CHCHD6: variants seen among roughly 807,000 people sequenced by gnomAD.
CHCHD6 encodes the protein coiled-coil-helix-coiled-coil-helix domain containing 6.
Under a neutral mutation model 32.3 loss-of-function variants are expected in CHCHD6, and 28 were observed. The ratio of observed to expected loss-of-function variants is 0.87; its 90% CI spans 0.64 to 1.19. CHCHD6 has a LOEUF of 1.19. CHCHD6 is among the 50% of genes most tolerant of loss of function. CHCHD6 has a pLI of 0.00. For synonymous variants in CHCHD6, 122 were observed against 117.5 expected (o/e 1.04, Z -0.25); for missense variants, 333 against 307.0 (o/e 1.08, Z -0.63).
At chr3:126,732,482 A>G (rs1167291756) in intron 3 of CHCHD6, among the ~76,000 whole-genome samples, 1 of 152,320 alleles carries the variant, frequency 6.6e-6, no homozygotes, top group South Asian at 2.1e-4. Flanking sequence ...TTTTCTAGTG[A>G]TGATGTCATA....
intron 6 of CHCHD6, among the ~76,000 whole-genome samples, chr3:126,954,743 T>C (rs2078760254): frequency 6.6e-6 from 1 of 152,142 alleles, no homozygotes. Context: ...GCAGAGGCTA[T>C]GATGGAAGTC....
intron 4 of CHCHD6, among the ~76,000 whole-genome samples, chr3:126,746,184 A>G (rs895260373): frequency 2.0e-5 from 3 of 152,132 alleles, no homozygotes; most frequent in Middle Eastern, 3.2e-3. Flanking sequence ...TGGGAGTGAC[A>G]GTCTCTGTGG....
intron 6 of CHCHD6, among the ~76,000 whole-genome samples, chr3:126,932,660 T>A (rs2078422771): frequency 6.6e-6 from 1 of 152,048 alleles, no homozygotes; most frequent in African/African-American, 2.4e-5. Context: ...GCTGTCCTTG[T>A]GGCTTAAGGG....
At chr3:126,730,486 C>A in intron 2 of CHCHD6, 75 bp from the exon 3 acceptor site, 1 of 1,244,720 alleles carries the variant, frequency 8.0e-7, no homozygotes, top group South Asian at 1.3e-5. Context: ...GGGGTCATTC[C>A]TCTCTGGGTG....
chr3:126,905,128 C>T (rs191776581), intron 5 of CHCHD6, among the ~76,000 whole-genome samples: 1 of 152,162 alleles, frequency 6.6e-6, no homozygotes, highest in African/African-American at 2.4e-5. Context: ...ATTCATACTT[C>T]AAGCAGGCAT....
intron 4 of CHCHD6, among the ~76,000 whole-genome samples, chr3:126,810,960 A>G (rs1939629855): frequency 1.3e-5 from 2 of 152,154 alleles, no homozygotes; most frequent in Admixed American, 1.3e-4. Context: ...CGGGACCACC[A>G]GGTTAGAGAC....
chr3:126,794,238 GT>G (rs981666646), intron 4 of CHCHD6, among the ~76,000 whole-genome samples: 4 of 150,454 alleles, frequency 2.7e-5, no homozygotes, highest in Admixed American at 1.3e-4. Flanking sequence ...TGCATTTTGT[GT>G]TTTCCCCCCA....
intron 2 of CHCHD6, among the ~76,000 whole-genome samples, chr3:126,729,536 A>C (rs932504259): frequency 6.6e-6 from 1 of 152,214 alleles, no homozygotes; most frequent in African/African-American, 2.4e-5. Context: ...CTTCAGACAA[A>C]TAAATAAGCA....
intron 4 of CHCHD6, among the ~76,000 whole-genome samples, chr3:126,842,113 G>T (rs1941110808): frequency 6.6e-6 from 1 of 152,156 alleles, no homozygotes; most frequent in African/African-American, 2.4e-5. Flanking sequence ...AATTAGCCAG[G>T]CATGGCAGCA....
At chr3:126,865,085 T>TTCC (rs141768917) in intron 5 of CHCHD6, among the ~76,000 whole-genome samples, 14 of 61,914 alleles carry the variant, frequency 2.3e-4, no homozygotes, top group African/African-American at 1.1e-3. Flanking sequence ...CCTCCACTTC[T>TTCC]TCCTCCTCCT....
intron 4 of CHCHD6, among the ~76,000 whole-genome samples, chr3:126,851,008 G>T (rs928020496): frequency 6.6e-6 from 1 of 152,162 alleles, no homozygotes; most frequent in Non-Finnish European, 1.5e-5. Flanking sequence ...TGGGGATCCA[G>T]GTTACTACTT....
intron 5 of CHCHD6, among the ~76,000 whole-genome samples, chr3:126,864,781 A>G (rs1942187995): frequency 8.2e-6 from 1 of 122,114 alleles, no homozygotes; most frequent in Non-Finnish European, 1.7e-5. Flanking sequence ...CTCCTCCTCC[A>G]CCATCACCTC....
intron 4 of CHCHD6, among the ~76,000 whole-genome samples, chr3:126,829,549 G>A (rs995182442): frequency 1.3e-5 from 2 of 151,994 alleles, no homozygotes; most frequent in Non-Finnish European, 2.9e-5. Context: ...AAATTCGTAT[G>A]TTGAAGCCCT....
chr3:126,788,101 G>T (rs1334610262), intron 4 of CHCHD6, among the ~76,000 whole-genome samples: 1 of 152,110 alleles, frequency 6.6e-6, no homozygotes, highest in Admixed American at 6.6e-5. Flanking sequence ...TTTTGTCTTT[G>T]GTTCTGTTTA....
intron 3 of CHCHD6, among the ~76,000 whole-genome samples, chr3:126,731,777 C>G (rs1239327653): frequency 1.3e-5 from 2 of 152,048 alleles, no homozygotes; most frequent in African/African-American, 4.8e-5. Context: ...TCGGTCTTAG[C>G]AAGAATAACT....
chr3:126,944,343 C>G (rs759896699), intron 6 of CHCHD6, among the ~76,000 whole-genome samples: 1 of 152,258 alleles, frequency 6.6e-6, no homozygotes, highest in Non-Finnish European at 1.5e-5. Context: ...CCCCTAGAAG[C>G]TGGAAGAAGG....
intron 4 of CHCHD6, among the ~76,000 whole-genome samples, chr3:126,744,268 G>C (rs2107664760): frequency 6.6e-6 from 1 of 152,320 alleles, no homozygotes; most frequent in South Asian, 2.1e-4. Flanking sequence ...TTTTTGGGGA[G>C]CTACCATTCT....
At chr3:126,946,373 T>C (rs2078638963) in intron 6 of CHCHD6, among the ~76,000 whole-genome samples, 1 of 152,202 alleles carries the variant, frequency 6.6e-6, no homozygotes, top group South Asian at 2.1e-4. Flanking sequence ...AATGGCCCTT[T>C]CTTCTTTCCG....
At chr3:126,728,484 C>G (rs1473429220) in intron 2 of CHCHD6, among the ~76,000 whole-genome samples, 1 of 152,134 alleles carries the variant, frequency 6.6e-6, no homozygotes, top group Non-Finnish European at 1.5e-5. Flanking sequence ...GGACCCACCC[C>G]AAGATCTTTC....
Sources: allele counts gnomAD v4.1 joint callset (sites outside exome capture counted in the v4.1 genomes callset), GRCh38; gene constraint gnomAD v4.1.1; transcripts MANE v1.5; gene names NCBI Gene and HGNC (gene_info 2026-07-23, HGNC 2026-07-21).